Variants in HS3ST4 observed in about 807,000 individuals in gnomAD.
HS3ST4 encodes the protein heparan sulfate glucosamine 3-O-sulfotransferase 4.
HS3ST4 carries 17 observed loss-of-function variants against 29.2 expected under a neutral mutation model. That is an observed-to-expected ratio of 0.58 (90% confidence interval 0.40 to 0.87). The LOEUF is 0.87. Ranked by LOEUF, HS3ST4 falls within the 40% of genes least tolerant of loss-of-function variation. The pLI is 0.00. For synonymous variants in HS3ST4, 314 were observed against 285.7 expected (o/e 1.10, Z -1.00); for missense variants, 627 against 634.5 (o/e 0.99, Z 0.13).
intron 1 of HS3ST4, among the ~76,000 whole-genome samples, chr16:25,719,891 C>T (rs1966481750): frequency 1.3e-5 from 2 of 152,082 alleles, no homozygotes; most frequent in African/African-American, 4.8e-5. Context: ...CACCAGTGAG[C>T]AAAACAAACT....
chr16:26,018,333 G>T (rs972294976), intron 1 of HS3ST4, among the ~76,000 whole-genome samples: 2 of 152,182 alleles, frequency 1.3e-5, no homozygotes, highest in Non-Finnish European at 1.5e-5. Context: ...GGAGTTGTTG[G>T]GGGGCACAGG....
At chr16:25,848,460 A>AT (rs11454037) in intron 1 of HS3ST4, among the ~76,000 whole-genome samples, 110,290 of 149,478 alleles carry the variant, frequency 0.74, 41,894 homozygotes, top group African/African-American at 0.92. Context: ...CGAAAAAATA[A>AT]TTTTTTTTTT....
chr16:25,924,158 C>T (rs12149575), intron 1 of HS3ST4, among the ~76,000 whole-genome samples: 10 of 152,132 alleles, frequency 6.6e-5, no homozygotes, highest in Middle Eastern at 3.4e-3. Context: ...TGTAAACGGC[C>T]GTTTAGTTGT....
rs1269915723 is a variant in HS3ST4 at position 25,838,195 on chromosome 16, G to A, written c.734+145044G>A. Among the ~76,000 whole-genome samples the A allele has an allele frequency of 2.0e-5, 3 of 152,162 alleles. No individual in the cohort carries two copies. The South Asian group carries it at 6.2e-4, about 32-fold the overall frequency. On this transcript the variant is annotated intron_variant, in intron 1 of 1. Transcript: ENST00000331351. The stretch of plus-strand genomic sequence containing the variant: ...AATCGTGTATCCTACTTATTCAGTC[G>A]ATATTAACGACTACCGCTGCTATTT...
chr16:25,693,269 C>T (rs1364324170), intron 1 of HS3ST4, 118 bp downstream of exon 1: 10 of 1,147,276 alleles, frequency 8.7e-6, no homozygotes, highest in South Asian at 5.4e-5. Context: ...CAAGCCCCCG[C>T]GAGGGCTCTG....
chr16:25,862,170 T>TTTAC (rs1474854775), intron 1 of HS3ST4, among the ~76,000 whole-genome samples: 1 of 48,662 alleles, frequency 2.1e-5, no homozygotes, highest in African/African-American at 8.8e-5. Flanking sequence ...TACATATTTA[T>TTTAC]TTATTTATTT....
chr16:25,746,263 T>G (rs1966684482), intron 1 of HS3ST4, among the ~76,000 whole-genome samples: 1 of 152,218 alleles, frequency 6.6e-6, no homozygotes, highest in African/African-American at 2.4e-5. Flanking sequence ...TTATAAGTGT[T>G]ATAATGGGAT....
chr16:25,953,178 G>C (rs919649607), intron 1 of HS3ST4, among the ~76,000 whole-genome samples: 1 of 152,188 alleles, frequency 6.6e-6, no homozygotes, highest in African/African-American at 2.4e-5. Flanking sequence ...AGTAAGTTAT[G>C]CTTAGCTTGT....
chr16:25,988,851 T>G (rs559682910), intron 1 of HS3ST4, among the ~76,000 whole-genome samples: 1 of 151,542 alleles, frequency 6.6e-6, no homozygotes, highest in African/African-American at 2.4e-5. Context: ...CATGTACCCC[T>G]GAACTTAATA....
intron 1 of HS3ST4, among the ~76,000 whole-genome samples, chr16:25,708,904 G>A (rs1297631331): frequency 6.6e-6 from 1 of 152,026 alleles, no homozygotes; most frequent in Non-Finnish European, 1.5e-5. Context: ...CAATATGTTA[G>A]AACATCTTTA....
In HS3ST4 at chr16:25,719,379, GTGACAATCACAA is replaced by G. The variant is rs1966478081; in HGVS notation, c.734+26230_734+26241del. 9.1e-5 allele frequency among the ~76,000 whole-genome samples: 5 copies of G among 55,224 alleles called. No homozygotes were observed. In the South Asian group the frequency reaches 2.7e-3, roughly 30 times the overall value. 36.2% of individuals were successfully genotyped at this position (55,224 alleles called of 152,430 possible). On this transcript the variant is annotated intron_variant, in intron 1 of 1. Transcript: ENST00000331351. The stretch of plus-strand genomic sequence containing the variant: ...TCTAAATAAGAAGACAGACAGACAA[GTGACAATCACAA>G]TTTAGCTTAATAAATGCAAAGTGTG...
chr16:25,979,124 G>A (rs12925488), intron 1 of HS3ST4, among the ~76,000 whole-genome samples: 74,564 of 151,702 alleles, frequency 0.49, 22,521 homozygotes, highest in Non-Finnish European at 0.68. Flanking sequence ...CTCGAACTCC[G>A]GACCTCAGGT....
At chr16:26,126,665 A>T (rs1899348155) in intron 1 of HS3ST4, among the ~76,000 whole-genome samples, 1 of 151,988 alleles carries the variant, frequency 6.6e-6, no homozygotes, top group South Asian at 2.1e-4. Flanking sequence ...GATCATTTGG[A>T]CCCCTGAGGG....
At chr16:25,933,240 C>T (rs1968483531) in intron 1 of HS3ST4, 1 of 421,682 alleles carries the variant, frequency 2.4e-6, no homozygotes. Context: ...GAAGACTTCT[C>T]ATATGGCTCT....
At chr16:25,903,347 T>TAC (rs376547024) in intron 1 of HS3ST4, among the ~76,000 whole-genome samples, 1,422 of 105,574 alleles carry the variant, frequency 0.013, 23 homozygotes, top group Non-Finnish European at 0.02. Flanking sequence ...ATATATTATA[T>TAC]ATATGTATAT....
At chr16:25,726,186 A>G (rs1399152797) in intron 1 of HS3ST4, among the ~76,000 whole-genome samples, 3 of 152,200 alleles carry the variant, frequency 2.0e-5, no homozygotes, top group Non-Finnish European at 4.4e-5. Flanking sequence ...TGTAGTGTTC[A>G]TTGTATGGAA....
chr16:25,957,382 A>T (rs550431087), intron 1 of HS3ST4, among the ~76,000 whole-genome samples: 2 of 151,272 alleles, frequency 1.3e-5, no homozygotes, highest in Admixed American at 1.3e-4. Context: ...ATCTGCAGCA[A>T]TGTAGCCTAT....
At chr16:26,013,127 G>C (rs954891967) in intron 1 of HS3ST4, among the ~76,000 whole-genome samples, 56 of 152,192 alleles carry the variant, frequency 3.7e-4, no homozygotes, top group African/African-American at 1.3e-3. Context: ...TCGTGCCACT[G>C]TACTCTAGCC....
At chr16:25,714,578 T>C (rs1312765069) in intron 1 of HS3ST4, among the ~76,000 whole-genome samples, 1 of 152,236 alleles carries the variant, frequency 6.6e-6, no homozygotes, top group Non-Finnish European at 1.5e-5. Flanking sequence ...GTCGCTGAGC[T>C]GGGAAGTACT....
Sources: gnomAD v4.1 joint callset for allele counts (sites outside exome capture counted in the v4.1 genomes callset) on GRCh38, gnomAD v4.1.1 for gene constraint, MANE v1.5 for transcripts, NCBI Gene and HGNC (gene_info 2026-07-23, HGNC 2026-07-21) for gene names.